Variants in SLC35F3 observed in about 807,000 individuals in gnomAD.
SLC35F3 encodes the protein solute carrier family 35 member F3.
SLC35F3 carries 25 observed loss-of-function variants against 49.9 expected under a neutral mutation model. That is an observed-to-expected ratio of 0.50 (90% CI 0.37 to 0.70). SLC35F3 has a LOEUF of 0.70. Among genes scored for constraint, SLC35F3 ranks in the 30% least tolerant of loss-of-function variants. SLC35F3 has a pLI of 0.00. For missense variants in SLC35F3, 525 were observed against 639.8 expected (o/e 0.82, Z 1.94); for synonymous variants, 275 against 265.4 (o/e 1.04, Z -0.35).
intron 2 of SLC35F3, among the ~76,000 whole-genome samples, chr1:234,185,660 T>A (rs1048811893): frequency 2.0e-5 from 3 of 152,154 alleles, no homozygotes; most frequent in Non-Finnish European, 4.4e-5. Context: ...CTTTACAGAA[T>A]ACCCAGGGGT....
chr1:234,110,885 G>T (rs1665395811), intron 2 of SLC35F3, among the ~76,000 whole-genome samples: 1 of 152,138 alleles, frequency 6.6e-6, no homozygotes. Context: ...TGTCAAGTAA[G>T]TCTGTTAAGG....
chr1:234,169,461 T>C (rs73108446), intron 2 of SLC35F3, among the ~76,000 whole-genome samples: 15,239 of 152,218 alleles, frequency 0.1, 2,473 homozygotes, highest in African/African-American at 0.34. Context: ...TCCCAGGCTC[T>C]AACATTCTGG....
intron 3 of SLC35F3, among the ~76,000 whole-genome samples, chr1:234,287,492 G>T (rs911681256): frequency 1.3e-5 from 2 of 152,166 alleles, no homozygotes; most frequent in Non-Finnish European, 2.9e-5. Context: ...CTTCCAAAAA[G>T]ATCACTAATA....
At chr1:234,070,755 G>GT (rs34460072) in intron 2 of SLC35F3, among the ~76,000 whole-genome samples, 15 of 151,702 alleles carry the variant, frequency 9.9e-5, no homozygotes, top group East Asian at 5.8e-4. Flanking sequence ...ATTTCCTGCA[G>GT]TTTTTTTTTG....
At chr1:234,146,807 C>T (rs1192894914) in intron 2 of SLC35F3, among the ~76,000 whole-genome samples, 1 of 152,102 alleles carries the variant, frequency 6.6e-6, no homozygotes, top group Non-Finnish European at 1.5e-5. Flanking sequence ...AGCCACCGTG[C>T]CCGGCCTCAT....
At chr1:234,060,058 C>T (rs1664518223) in intron 2 of SLC35F3, among the ~76,000 whole-genome samples, 1 of 152,220 alleles carries the variant, frequency 6.6e-6, no homozygotes, top group Non-Finnish European at 1.5e-5. Flanking sequence ...TTAACCGTCA[C>T]AGATCCCAGT....
rs190986347 is a variant in SLC35F3, at chr1:233,983,630, A to G, written c.283+77872A>G. ...TTGCATGCGAAGTTTAAGGTTGCAGATTTCCTTCTTCCCTTGCTAGCCATC... is the reference window on the plus strand; with the variant it reads ...TTGCATGCGAAGTTTAAGGTTGCAGGTTTCCTTCTTCCCTTGCTAGCCATC... On this transcript the variant is annotated intron_variant, in intron 2 of 7. Coordinates refer to ENST00000366618, the MANE Select transcript of SLC35F3 (RefSeq NM_173508.4). Among the ~76,000 whole-genome samples the G allele has an allele frequency of 5.9e-5, 9 of 152,300 alleles. No individual in the cohort carries two copies. The East Asian group carries it at 1.4e-3, about 23-fold the overall frequency.
chr1:234,110,681 A>T (rs552770240), intron 2 of SLC35F3, among the ~76,000 whole-genome samples: 1 of 152,380 alleles, frequency 6.6e-6, no homozygotes, highest in South Asian at 2.1e-4. Flanking sequence ...TTACAGTGCT[A>T]GCCAGGATGC....
chr1:234,255,559 T>C (rs1344925407), intron 3 of SLC35F3, among the ~76,000 whole-genome samples: 1 of 152,226 alleles, frequency 6.6e-6, no homozygotes, highest in Non-Finnish European at 1.5e-5. Context: ...CACAGATATT[T>C]ATAGCAGCTT....
At chr1:234,159,694 C>T (rs967955019) in intron 2 of SLC35F3, among the ~76,000 whole-genome samples, 7 of 152,196 alleles carry the variant, frequency 4.6e-5, no homozygotes, top group Non-Finnish European at 8.8e-5. Context: ...TTTGTAATCT[C>T]ATAATCAAAA....
chr1:233,912,996 G>A (rs1661907663), intron 2 of SLC35F3, among the ~76,000 whole-genome samples: 3 of 152,208 alleles, frequency 2.0e-5, no homozygotes, highest in African/African-American at 7.2e-5. Flanking sequence ...GCAGAGATTA[G>A]TGATGGCAGA....
intron 2 of SLC35F3, among the ~76,000 whole-genome samples, chr1:233,994,513 T>C (rs924334002): frequency 1.1e-4 from 17 of 152,228 alleles, no homozygotes; most frequent in African/African-American, 4.1e-4. Context: ...TTCTAAATGC[T>C]GGATACTGGT....
intron 2 of SLC35F3, among the ~76,000 whole-genome samples, chr1:234,149,902 G>A (rs1271945294): frequency 6.6e-6 from 1 of 152,248 alleles, no homozygotes; most frequent in Non-Finnish European, 1.5e-5. Flanking sequence ...CCAACCCAAC[G>A]GTACCTGGAA....
chr1:234,185,376 C>T (rs570195668), intron 2 of SLC35F3, among the ~76,000 whole-genome samples: 7 of 152,298 alleles, frequency 4.6e-5, no homozygotes, highest in East Asian at 3.9e-4. Flanking sequence ...CTCTTCACTA[C>T]GAGGAGTAGA....
intron 2 of SLC35F3, among the ~76,000 whole-genome samples, chr1:233,983,185 T>C (rs892802130): frequency 2.6e-5 from 4 of 151,278 alleles, no homozygotes; most frequent in Admixed American, 2.0e-4. Context: ...CCGCCCTCCC[T>C]CTCTATCTCT....
At chr1:233,968,728 AC>A (rs1662942180) in intron 2 of SLC35F3, among the ~76,000 whole-genome samples, 1 of 151,776 alleles carries the variant, frequency 6.6e-6, no homozygotes. Context: ...CAAGTGATCC[AC>A]CCATCTCGTC....
intron 3 of SLC35F3, among the ~76,000 whole-genome samples, chr1:234,264,968 G>T (rs1299143286): frequency 1.3e-5 from 2 of 152,152 alleles, no homozygotes; most frequent in African/African-American, 4.8e-5. Context: ...CTGCTTTACT[G>T]GTTCCTCCGG....
intron 2 of SLC35F3, among the ~76,000 whole-genome samples, chr1:234,143,288 C>CTTTTTTTTTTTTTTTTTTTTTTT (rs1352256091): frequency 1.6e-5 from 2 of 123,564 alleles, no homozygotes; most frequent in Non-Finnish European, 3.1e-5. Flanking sequence ...CTTTTCTTTT[C>CTTTTTTTTTTTTTTTTTTTTTTT]TTTTTTTTTT....
intron 3 of SLC35F3, among the ~76,000 whole-genome samples, chr1:234,273,650 GCTTCA>G (rs879309625): frequency 0.06 from 9,130 of 152,282 alleles, 325 homozygotes; most frequent in African/African-American, 0.097. Flanking sequence ...CAGAAGGATG[GCTTCA>G]GAAGGCCTTC....
Sources: allele counts gnomAD v4.1 joint callset (sites outside exome capture counted in the v4.1 genomes callset), GRCh38; gene constraint gnomAD v4.1.1; transcripts MANE v1.5; gene names NCBI Gene and HGNC (gene_info 2026-07-23, HGNC 2026-07-21).